The following PDE4B variants were observed in gnomAD, a reference collection of about 807,000 sequenced individuals.
PDE4B encodes the protein 3',5'-cyclic-AMP phosphodiesterase 4B.
PDE4B carries 20 observed loss-of-function variants against 82.2 expected under a neutral mutation model. The ratio of observed to expected loss-of-function variants is 0.24; its 90% CI spans 0.17 to 0.35. The LOEUF (loss-of-function observed/expected upper bound fraction) is 0.35, where lower values mean the gene tolerates loss of function less well. Among genes scored for constraint, PDE4B ranks in the 10% least tolerant of loss-of-function variants. The pLI is 1.00. For missense variants in PDE4B, 655 were observed against 907.2 expected (o/e 0.72, Z 3.57); for synonymous variants, 320 against 318.9 (o/e 1.00, Z -0.04).
intron 8 of PDE4B, among the ~76,000 whole-genome samples, chr1:66,346,378 A>C (rs1661396445): frequency 6.6e-6 from 1 of 152,222 alleles, no homozygotes; most frequent in Non-Finnish European, 1.5e-5. Context: ...TTAATTTGAG[A>C]AAATTGGCTA....
At chr1:65,947,173 A>G (rs1648756359) in intron 3 of PDE4B, among the ~76,000 whole-genome samples, 1 of 152,084 alleles carries the variant, frequency 6.6e-6, no homozygotes, top group Non-Finnish European at 1.5e-5. Flanking sequence ...TATGACAAAG[A>G]GCAGGAGAAT....
rs141483013 is a variant in PDE4B at position 65,994,313 on chromosome 1, T to C, written c.281+75478T>C. Among the ~76,000 whole-genome samples the C allele has an allele frequency of 1.2e-3, 177 of 152,306 alleles. 1 individual carries two copies. Among genetic ancestry groups the C allele is most frequent in the African/African-American group, 3.9e-3 (161 of 41,578 alleles). On this transcript the variant is annotated intron_variant, in intron 3 of 16. Coordinates refer to ENST00000341517, the MANE Select transcript of PDE4B (RefSeq NM_002600.4). ...TTGCCTTTGATAGATACCACATGCT[T>C]AGCCAACACATACTTTGCCTGGCAT...
intron 1 of PDE4B, among the ~76,000 whole-genome samples, chr1:65,804,965 G>C (rs1420696875): frequency 1.6e-5 from 2 of 123,820 alleles, no homozygotes; most frequent in African/African-American, 5.9e-5. Flanking sequence ...TTTTTTGGGG[G>C]GGTGGGTGGG....
intron 3 of PDE4B, among the ~76,000 whole-genome samples, chr1:66,164,849 A>G (rs1646697528): frequency 1.5e-5 from 2 of 136,532 alleles, no homozygotes; most frequent in Admixed American, 8.2e-5. Context: ...AGCAAGCTCC[A>G]CCTCCCGGGT....
intron 3 of PDE4B, among the ~76,000 whole-genome samples, chr1:65,943,170 T>C (rs1648535108): frequency 6.6e-6 from 1 of 152,002 alleles, no homozygotes; most frequent in African/African-American, 2.4e-5. Context: ...CTTAAATCAA[T>C]TTTTAGTTGA....
At chr1:66,100,174 C>T (rs962367611) in intron 3 of PDE4B, among the ~76,000 whole-genome samples, 1 of 152,072 alleles carries the variant, frequency 6.6e-6, no homozygotes, top group African/African-American at 2.4e-5. Context: ...CTTCCTCAGC[C>T]TCCCAAGTAA....
At chr1:66,146,005 A>G (rs1200282334) in intron 3 of PDE4B, among the ~76,000 whole-genome samples, 1 of 152,166 alleles carries the variant, frequency 6.6e-6, no homozygotes, top group Non-Finnish European at 1.5e-5. Flanking sequence ...GTCAGTCAGG[A>G]CAGGAAGGCA....
intron 3 of PDE4B, among the ~76,000 whole-genome samples, chr1:66,119,461 A>G (rs1645664483): frequency 6.6e-6 from 1 of 151,352 alleles, no homozygotes; most frequent in African/African-American, 2.4e-5. Context: ...CAGACTGTAG[A>G]GAGAAAAGAA....
intron 3 of PDE4B, among the ~76,000 whole-genome samples, chr1:66,049,116 A>C (rs745927537): frequency 6.6e-6 from 1 of 152,020 alleles, no homozygotes; most frequent in Non-Finnish European, 1.5e-5. Context: ...AAATATCGTA[A>C]GTGTAGAATA....
At chr1:66,152,962 G>A (rs540722732) in intron 3 of PDE4B, among the ~76,000 whole-genome samples, 14 of 152,246 alleles carry the variant, frequency 9.2e-5, no homozygotes, top group Admixed American at 3.3e-4. Context: ...AAAGTCAGCT[G>A]ATTGTAGATG....
intron 3 of PDE4B, among the ~76,000 whole-genome samples, chr1:66,102,302 T>C (rs1361373855): frequency 6.6e-6 from 1 of 152,116 alleles, no homozygotes; most frequent in African/African-American, 2.4e-5. Context: ...TTCATCATCG[T>C]GTTTTCGGGG....
At chr1:65,946,972 C>T (rs1480161355) in intron 3 of PDE4B, among the ~76,000 whole-genome samples, 8 of 152,046 alleles carry the variant, frequency 5.3e-5, no homozygotes, top group Non-Finnish European at 7.4e-5. Context: ...TCAGAACACT[C>T]GGACCCTAAG....
Position 66,306,210 on chromosome 1 carries a change from C to A in PDE4B, c.635-26298C>A, listed in dbSNP as rs571451875. On this transcript the variant is annotated intron_variant, in intron 7 of 16. Coordinates refer to ENST00000341517, the MANE Select transcript of PDE4B (RefSeq NM_002600.4). Reference sequence around the variant, plus strand: ...GATGTTAGACCTGGGTTTTCACAAACCCTGTACACCAAATTAAGGGATTTT... The same window carrying A: ...GATGTTAGACCTGGGTTTTCACAAAACCTGTACACCAAATTAAGGGATTTT... 5.9e-5 allele frequency among the ~76,000 whole-genome samples: 9 copies of A among 152,186 alleles called. No individual in the cohort carries two copies. In the East Asian group the frequency reaches 1.7e-3, roughly 29 times the overall value.
At chr1:66,266,227 T>A in intron 7 of PDE4B, 140 bp downstream of exon 7, 1 of 703,478 alleles carries the variant, frequency 1.4e-6, no homozygotes, top group South Asian at 1.6e-5. Context: ...GACTTTTTTC[T>A]AAGGTACACT....
At chr1:65,887,094 T>C (rs1012003942) in intron 1 of PDE4B, among the ~76,000 whole-genome samples, 1 of 151,960 alleles carries the variant, frequency 6.6e-6, no homozygotes, top group East Asian at 1.9e-4. Context: ...GTGGTTTCGA[T>C]GTACATTTCC....
intron 3 of PDE4B, among the ~76,000 whole-genome samples, chr1:65,930,094 A>T (rs1317312591): frequency 2.6e-5 from 4 of 152,206 alleles, no homozygotes; most frequent in African/African-American, 9.7e-5. Flanking sequence ...CTCAAAACTG[A>T]AGAACTTGGA....
intron 3 of PDE4B, among the ~76,000 whole-genome samples, chr1:66,044,716 C>G (rs1654593274): frequency 5.3e-5 from 8 of 151,684 alleles, no homozygotes. Context: ...ATAATTAAGA[C>G]TGAATGTTAA....
At chr1:65,866,612 A>G (rs563582668) in intron 1 of PDE4B, among the ~76,000 whole-genome samples, 52 of 152,356 alleles carry the variant, frequency 3.4e-4, no homozygotes, top group African/African-American at 1.2e-3. Context: ...TTACTAGGTC[A>G]CGTAAAGCTA....
chr1:65,930,547 C>T (rs1466431771), intron 3 of PDE4B, among the ~76,000 whole-genome samples: 2 of 152,212 alleles, frequency 1.3e-5, no homozygotes, highest in African/African-American at 2.4e-5. Context: ...CCAGCCCTTA[C>T]ATCAGTGTGC....
Sources: gnomAD v4.1 joint callset for allele counts (sites outside exome capture counted in the v4.1 genomes callset) on GRCh38, gnomAD v4.1.1 for gene constraint, MANE v1.5 for transcripts, NCBI Gene and HGNC (gene_info 2026-07-23, HGNC 2026-07-21) for gene names.